The following HECW1 variants were observed in gnomAD, a reference collection of about 807,000 sequenced individuals.
The protein encoded by HECW1 is E3 ubiquitin-protein ligase HECW1.
Under a neutral mutation model 182.3 loss-of-function variants are expected in HECW1, and 61 were observed. The observed-to-expected ratio is 0.33, with a 90% CI of 0.27 to 0.41. HECW1 has a LOEUF of 0.41. Ranked by LOEUF, HECW1 falls within the 10% of genes least tolerant of loss-of-function variation. The pLI is 1.00. For missense variants in HECW1, 1,739 were observed against 2,108.9 expected (o/e 0.82, Z 3.44); for synonymous variants, 859 against 832.6 (o/e 1.03, Z -0.55).
intron 6 of HECW1, among the ~76,000 whole-genome samples, chr7:43,365,455 C>T (rs1489672559): frequency 0.04 from 2 of 50 alleles, no homozygotes; most frequent in Admixed American, 0.2. Flanking sequence ...ACATGACATT[C>T]CCACCCGTGT....
intron 6 of HECW1, among the ~76,000 whole-genome samples, chr7:43,382,618 G>A (rs186653013): frequency 1.9e-3 from 282 of 152,256 alleles, no homozygotes; most frequent in African/African-American, 6.6e-3. Flanking sequence ...TCTTTTAAAG[G>A]AATTTACTGA....
chr7:43,412,901 C>T (rs1304118995), intron 8 of HECW1, among the ~76,000 whole-genome samples: 1 of 148,086 alleles, frequency 6.8e-6, no homozygotes, highest in Non-Finnish European at 1.5e-5. Context: ...GTGAATAATG[C>T]CGCAATAAAC....
At chr7:43,267,029 T>G (rs1242435054) in intron 3 of HECW1, among the ~76,000 whole-genome samples, 2 of 152,208 alleles carry the variant, frequency 1.3e-5, no homozygotes, top group Non-Finnish European at 2.9e-5. Context: ...AAGCAAAAAC[T>G]GCTAGAAGTT....
intron 2 of HECW1, among the ~76,000 whole-genome samples, chr7:43,144,100 G>A (rs1210943959): frequency 6.6e-6 from 1 of 152,194 alleles, no homozygotes; most frequent in Admixed American, 6.5e-5. Flanking sequence ...CCTGTTGGCT[G>A]TAAGAGTTTC....
chr7:43,555,061 C>T (rs967372796), intron 29 of HECW1, among the ~76,000 whole-genome samples: 1 of 152,128 alleles, frequency 6.6e-6, no homozygotes, highest in Non-Finnish European at 1.5e-5. Flanking sequence ...CATAGCCCAA[C>T]TTAATTTAAA....
At chr7:43,144,828 C>G (rs1479001749) in intron 2 of HECW1, among the ~76,000 whole-genome samples, 1 of 152,142 alleles carries the variant, frequency 6.6e-6, no homozygotes, top group African/African-American at 2.4e-5. Context: ...AATCAGACAT[C>G]AAGATGTGGG....
At position 43,445,109 on chromosome 7, in the gene HECW1, A is replaced by G. The variant is rs1028065008; in HGVS notation, c.1937A>G (p.Gln646Arg). The G allele has an allele frequency of 5.6e-6, 9 of 1,607,422 alleles. No homozygotes were observed. The highest frequency in any genetic ancestry group is 4.5e-5 in the East Asian group (2 of 44,828). ...HFPSLANGAA[Q>R]DGDTHPSTGS... The stretch of plus-strand genomic sequence containing the variant: ...CCCAGCCTGGCCAATGGCGCGGCCC[A>G]GGATGGCGACACGCACCCCAGCACC... The change falls in exon 11 of 30, where the codon CAG becomes CGG. Residue 646 changes from glutamine to arginine, a missense_variant. Coordinates refer to ENST00000395891, the MANE Select transcript of HECW1 (RefSeq NM_015052.5).
chr7:43,466,092 GAGAA>G (rs1462764738), intron 14 of HECW1, among the ~76,000 whole-genome samples: 3 of 139,904 alleles, frequency 2.1e-5, no homozygotes, highest in African/African-American at 5.4e-5. Context: ...AGAGAAGAAA[GAGAA>G]AGAAGGAAAG....
At chr7:43,327,418 C>G (rs868359898) in intron 5 of HECW1, among the ~76,000 whole-genome samples, 1 of 152,090 alleles carries the variant, frequency 6.6e-6, no homozygotes, top group Non-Finnish European at 1.5e-5. Context: ...GTGTAACGGT[C>G]GTGAAGTAAT....
chr7:43,145,597 A>G (rs1408668465), intron 2 of HECW1, among the ~76,000 whole-genome samples: 1 of 152,144 alleles, frequency 6.6e-6, no homozygotes, highest in Non-Finnish European at 1.5e-5. Context: ...TTATATCTTC[A>G]TGAACAGCTT....
intron 6 of HECW1, among the ~76,000 whole-genome samples, chr7:43,368,220 C>T (rs1432172025): frequency 6.6e-6 from 1 of 152,150 alleles, no homozygotes; most frequent in Non-Finnish European, 1.5e-5. Flanking sequence ...AATGACAGAG[C>T]ACTATTCCAT....
chr7:43,416,858 G>A (rs934608204), intron 8 of HECW1, among the ~76,000 whole-genome samples: 60 of 1,358 alleles, frequency 0.044, no homozygotes, highest in African/African-American at 0.17. Context: ...GCGCTTCCCA[G>A]GTGAGGCAAT....
At chr7:43,488,747 T>C (rs74848841) in intron 17 of HECW1, among the ~76,000 whole-genome samples, 5,572 of 152,274 alleles carry the variant, frequency 0.037, 172 homozygotes, top group East Asian at 0.14. Flanking sequence ...GAAGGGCGTT[T>C]CCATCCAATC....
chr7:43,275,674 A>G (rs1486883930), intron 3 of HECW1, among the ~76,000 whole-genome samples: 2 of 151,880 alleles, frequency 1.3e-5, no homozygotes, highest in Admixed American at 6.6e-5. Flanking sequence ...TTCCTCCACT[A>G]TTTACTCACC....
intron 8 of HECW1, among the ~76,000 whole-genome samples, chr7:43,417,606 C>G (rs1473866453): frequency 6.6e-6 from 1 of 152,134 alleles, no homozygotes; most frequent in Non-Finnish European, 1.5e-5. Context: ...CACACACCTA[C>G]AATCCCAGCT....
At chr7:43,167,121 G>C (rs925989906) in intron 2 of HECW1, among the ~76,000 whole-genome samples, 3 of 152,206 alleles carry the variant, frequency 2.0e-5, no homozygotes, top group African/African-American at 7.2e-5. Context: ...TATTCTCTCA[G>C]TTCTGGAAGC....
At chr7:43,231,894 C>T (rs1030477755) in intron 2 of HECW1, among the ~76,000 whole-genome samples, 31 of 151,430 alleles carry the variant, frequency 2.0e-4, no homozygotes, top group African/African-American at 6.8e-4. Context: ...TGGTGGCGGG[C>T]GCCTGTAGTC....
intron 3 of HECW1, among the ~76,000 whole-genome samples, chr7:43,300,740 G>A (rs1467255621): frequency 6.6e-6 from 1 of 152,060 alleles, no homozygotes; most frequent in African/African-American, 2.4e-5. Context: ...ACTGATGATG[G>A]GCATTATGGT....
At chr7:43,325,982 C>A (rs1317853083) in intron 5 of HECW1, among the ~76,000 whole-genome samples, 1 of 152,196 alleles carries the variant, frequency 6.6e-6, no homozygotes, top group East Asian at 1.9e-4. Flanking sequence ...AAATACCTTA[C>A]ACTGGGGAAT....
Sources: allele counts gnomAD v4.1 joint callset (sites outside exome capture counted in the v4.1 genomes callset), GRCh38; gene constraint gnomAD v4.1.1; transcripts MANE v1.5; gene names NCBI Gene and HGNC (gene_info 2026-07-23, HGNC 2026-07-21).